PAG1: variants seen among roughly 807,000 people sequenced by gnomAD.
PAG1 encodes the protein phosphoprotein associated with glycosphingolipid-enriched microdomains 1.
A neutral mutation model predicts 31.7 loss-of-function variants in PAG1; 23 were observed. That is an observed-to-expected ratio of 0.73 (90% confidence interval 0.52 to 1.03). The LOEUF is 1.03. Ranked by LOEUF, PAG1 falls within the 50% of genes least tolerant of loss-of-function variation. PAG1 has a pLI of 0.00. For missense variants in PAG1, 473 were observed against 540.7 expected (o/e 0.87, Z 1.24); for synonymous variants, 214 against 210.3 (o/e 1.02, Z -0.15).
intron 2 of PAG1, among the ~76,000 whole-genome samples, chr8:81,031,558 A>G (rs945243992): frequency 2.0e-5 from 3 of 152,382 alleles, no homozygotes; most frequent in Middle Eastern, 3.4e-3. Context: ...AAATATGAGC[A>G]AGATTTAATT....
At position 81,007,636 on chromosome 8, in the gene PAG1, CAAAAAAAAAAAA is replaced by C. The variant is rs58612249; in HGVS notation, c.-80-14341_-80-14330del. 3.1e-3 allele frequency among the ~76,000 whole-genome samples: 154 copies of C among 49,738 alleles called. 1 individual carries two copies. The highest frequency in any genetic ancestry group is 4.5e-3 in the South Asian group (3 of 674). 32.6% of individuals were successfully genotyped at this position (49,738 alleles called of 152,430 possible). On this transcript the variant is annotated intron_variant, in intron 3 of 8. Transcript: ENST00000220597. The stretch of plus-strand genomic sequence containing the variant: ...TGGGTGACAGAGCAAGACTCTGTCT[CAAAAAAAAAAAA>C]AAAAAAAAAAAAGAACTTAAAAAAT...
chr8:81,042,022 C>A (rs1037661315), intron 2 of PAG1, among the ~76,000 whole-genome samples: 2 of 151,832 alleles, frequency 1.3e-5, no homozygotes, highest in Non-Finnish European at 3.0e-5. Context: ...GTTCAAATGA[C>A]CACTCTGCTT....
chr8:81,004,806 CTG>C (rs1250056222), intron 3 of PAG1, among the ~76,000 whole-genome samples: 5 of 152,190 alleles, frequency 3.3e-5, no homozygotes, highest in Admixed American at 6.5e-5. Flanking sequence ...AAGCTGAGAA[CTG>C]TCCCCAATGT....
chr8:81,044,935 A>G (rs900447523), intron 2 of PAG1, among the ~76,000 whole-genome samples: 1 of 152,100 alleles, frequency 6.6e-6, no homozygotes, highest in African/African-American at 2.4e-5. Flanking sequence ...CCCCGGGCAT[A>G]ACTGGCTGTC....
intron 7 of PAG1, among the ~76,000 whole-genome samples, chr8:80,982,292 C>A (rs1807323216): frequency 6.6e-6 from 1 of 152,150 alleles, no homozygotes; most frequent in Non-Finnish European, 1.5e-5. Context: ...TCCACAGAGA[C>A]TGCTCTTGTC....
intron 2 of PAG1, among the ~76,000 whole-genome samples, chr8:81,041,930 C>A (rs1363721757): frequency 6.6e-6 from 1 of 152,162 alleles, no homozygotes; most frequent in Non-Finnish European, 1.5e-5. Flanking sequence ...AAATTAAATT[C>A]TGCATTTTTA....
chr8:80,981,789 T>C (rs916678710), intron 7 of PAG1, among the ~76,000 whole-genome samples: 1 of 152,016 alleles, frequency 6.6e-6, no homozygotes, highest in Non-Finnish European at 1.5e-5. Context: ...AAACATGCTG[T>C]TGTTTCTCTC....
At chr8:81,090,633 G>A (rs547445895) in intron 1 of PAG1, among the ~76,000 whole-genome samples, 3 of 152,216 alleles carry the variant, frequency 2.0e-5, no homozygotes, top group Non-Finnish European at 4.4e-5. Context: ...AACCAGATTA[G>A]GTTGAGGTGG....
intron 1 of PAG1, among the ~76,000 whole-genome samples, chr8:81,101,624 A>G (rs1563431194): frequency 6.6e-6 from 1 of 152,152 alleles, no homozygotes; most frequent in African/African-American, 2.4e-5. Context: ...AAATATTTAT[A>G]TTTTGCTCTG....
At chr8:80,998,127 CCTTTT>C (rs1471532892) in intron 3 of PAG1, among the ~76,000 whole-genome samples, 1 of 108,306 alleles carries the variant, frequency 9.2e-6, no homozygotes, top group Admixed American at 1.3e-4. Context: ...CAGCAGGTGT[CCTTTT>C]TTTTTTTTTT....
intron 2 of PAG1, among the ~76,000 whole-genome samples, chr8:81,056,751 A>G (rs1218766553): frequency 6.6e-6 from 1 of 152,242 alleles, no homozygotes; most frequent in Non-Finnish European, 1.5e-5. Context: ...GCTTCTGCAG[A>G]GCAAAAGAAA....
intron 7 of PAG1, among the ~76,000 whole-genome samples, chr8:80,980,823 A>G (rs1368618000): frequency 6.6e-6 from 1 of 152,234 alleles, no homozygotes; most frequent in Non-Finnish European, 1.5e-5. Flanking sequence ...TTAATATTTA[A>G]AAACATGGTG....
intron 2 of PAG1, among the ~76,000 whole-genome samples, chr8:81,034,688 T>C (rs1162650854): frequency 6.6e-6 from 1 of 152,180 alleles, no homozygotes; most frequent in Non-Finnish European, 1.5e-5. Flanking sequence ...GTTTGAGTCG[T>C]GGTTTTAAGG....
intron 3 of PAG1, among the ~76,000 whole-genome samples, chr8:80,995,031 A>C (rs1001016195): frequency 1.3e-5 from 2 of 152,338 alleles, no homozygotes; most frequent in African/African-American, 4.8e-5. Flanking sequence ...GCAGCAAACC[A>C]GGGTGCCTCC....
chr8:80,999,542 C>T (rs1167385843), intron 3 of PAG1, among the ~76,000 whole-genome samples: 4 of 152,182 alleles, frequency 2.6e-5, no homozygotes, highest in Admixed American at 6.5e-5. Context: ...TCAGGACTCA[C>T]TGCTCATGGG....
intron 3 of PAG1, among the ~76,000 whole-genome samples, chr8:81,006,592 T>C (rs2130632944): frequency 6.6e-6 from 1 of 152,282 alleles, no homozygotes; most frequent in African/African-American, 2.4e-5. Context: ...GCCAATGGGA[T>C]TACAAGACCT....
At chr8:81,026,375 A>G (rs2087896476) in intron 3 of PAG1, among the ~76,000 whole-genome samples, 1 of 150,444 alleles carries the variant, frequency 6.6e-6, no homozygotes, top group African/African-American at 2.5e-5. Context: ...AAACCCCAAA[A>G]TAAAAGAGTG....
At chr8:81,076,087 T>C (rs142200140) in intron 1 of PAG1, among the ~76,000 whole-genome samples, 2 of 152,256 alleles carry the variant, frequency 1.3e-5, no homozygotes, top group Admixed American at 6.5e-5. Context: ...TCTCTGTTGG[T>C]TGGTGACCTG....
At chr8:81,109,055 T>C (rs1212456880) in intron 1 of PAG1, among the ~76,000 whole-genome samples, 2 of 152,206 alleles carry the variant, frequency 1.3e-5, no homozygotes, top group Admixed American at 1.3e-4. Context: ...CACCCTCCAG[T>C]GTAAACTCTA....
Sources: gnomAD v4.1 joint callset for allele counts (sites outside exome capture counted in the v4.1 genomes callset) on GRCh38, gnomAD v4.1.1 for gene constraint, MANE v1.5 for transcripts, NCBI Gene and HGNC (gene_info 2026-07-23, HGNC 2026-07-21) for gene names.